Variants in MARCHF6 observed in about 807,000 individuals in gnomAD.
MARCHF6 encodes the protein membrane associated ring-CH-type finger 6, also known as E3 ubiquitin-protein ligase MARCHF6.
A neutral mutation model predicts 133.7 loss-of-function variants in MARCHF6; 31 were observed. The observed-to-expected ratio is 0.23, with a 90% confidence interval of 0.17 to 0.31. The LOEUF (loss-of-function observed/expected upper bound fraction) is 0.31, where lower values mean the gene tolerates loss of function less well. MARCHF6 is among the 10% of genes least tolerant of loss of function. MARCHF6 has a pLI of 1.00. For missense variants in MARCHF6, 723 were observed against 1,121.6 expected, an observed-to-expected ratio of 0.64 and a Z score of 5.08; for synonymous variants, 395 against 402.5, an observed-to-expected ratio of 0.98 and a Z score of 0.22.
chr5:10,364,801 T>G (rs75745710), intron 1 of MARCHF6, among the ~76,000 whole-genome samples: 8,066 of 152,218 alleles, frequency 0.053, 720 homozygotes, highest in African/African-American at 0.18. Flanking sequence ...TTTCTCTGCT[T>G]CTTCTTTATT....
chr5:10,402,465 A>G lies in MARCHF6; in HGVS notation c.1122+13A>G, dbSNP rs1197356182. 1.2e-6 allele frequency: 2 copies of G among 1,613,418 alleles called. No individual in the cohort carries two copies. The highest frequency in any genetic ancestry group is 1.7e-5 in the Admixed American group (1 of 60,004). ...TATTGTTGTTAAGGTAATTCCTGTT[A>G]TAACTTAAAATTGGAAATGATTTCT... On this transcript the variant is annotated intron_variant, in intron 13 of 25. Coordinates refer to ENST00000274140, the MANE Select transcript of MARCHF6 (RefSeq NM_005885.4).
intron 6 of MARCHF6, 90 bp from the exon 7 acceptor site, chr5:10,391,452 T>G (rs1038499273): frequency 4.6e-5 from 25 of 545,010 alleles, no homozygotes; most frequent in African/African-American, 3.6e-4. Context: ...TTTTTTTTTT[T>G]TTTTTTTTTT....
At chr5:10,381,431 C>T (rs1473130939) in intron 3 of MARCHF6, among the ~76,000 whole-genome samples, 1 of 152,120 alleles carries the variant, frequency 6.6e-6, no homozygotes, top group Non-Finnish European at 1.5e-5. Context: ...TCATCTTTTG[C>T]TCCTGTTTGC....
intron 24 of MARCHF6, among the ~76,000 whole-genome samples, chr5:10,428,384 C>T (rs949443255): frequency 3.8e-5 from 5 of 132,856 alleles, no homozygotes; most frequent in African/African-American, 1.4e-4. Flanking sequence ...CTCTTTTGCC[C>T]AGGCTGGAGT....
chr5:10,425,876 T>G (rs960287575), intron 23 of MARCHF6, among the ~76,000 whole-genome samples: 1 of 152,230 alleles, frequency 6.6e-6, no homozygotes, highest in African/African-American at 2.4e-5. Flanking sequence ...TTTTTTATAT[T>G]CACTATAGAA....
At chr5:10,424,592 A>T (rs1408666467) in intron 23 of MARCHF6, among the ~76,000 whole-genome samples, 1 of 152,204 alleles carries the variant, frequency 6.6e-6, no homozygotes, top group East Asian at 1.9e-4. Flanking sequence ...GCCATCCTTT[A>T]TCTGAAGGTT....
chr5:10,411,828 A>G (rs1003525183), intron 19 of MARCHF6, among the ~76,000 whole-genome samples: 6 of 152,368 alleles, frequency 3.9e-5, no homozygotes, highest in Non-Finnish European at 7.3e-5. Flanking sequence ...CAGGAACTAG[A>G]ATGGGCATTT....
At chr5:10,428,881 GA>G (rs1740227467) in intron 24 of MARCHF6, among the ~76,000 whole-genome samples, 1 of 152,158 alleles carries the variant, frequency 6.6e-6, no homozygotes, top group African/African-American at 2.4e-5. Context: ...CTTTGGAAGG[GA>G]AAAAGAGTGG....
In MARCHF6 at chr5:10,439,801, C is replaced by A. The variant is rs1740787793; in HGVS notation, c.*6117C>A. 11 of 152,524 alleles carry A rather than the reference C, an allele frequency of 7.2e-5. No homozygotes were observed. Among genetic ancestry groups the A allele is most frequent in the Admixed American group, 7.2e-4 (11 of 15,286 alleles). 9.4% of individuals were successfully genotyped at this position (152,524 alleles called of 1,614,324 possible). A position where few individuals can be genotyped will look rare whatever the true frequency, so the allele number is the denominator to read the frequency against. ...CTTCAATGCTGGGCAAAACATGAAG[C>A]ACCCCTTTTCTCCCTTCTCTGACCC... On this transcript the variant is annotated 3_prime_UTR_variant, in exon 26 of 26. Coordinates refer to ENST00000274140, the MANE Select transcript of MARCHF6 (RefSeq NM_005885.4).
At chr5:10,394,860 C>T (rs1278727052) in intron 9 of MARCHF6, 75 bp downstream of exon 9, 10 of 932,484 alleles carry the variant, frequency 1.1e-5, no homozygotes, top group South Asian at 6.0e-5. Flanking sequence ...ACTGCAGTGG[C>T]GTGATCTTGG....
At chr5:10,385,979 C>G (rs571687474) in intron 4 of MARCHF6, among the ~76,000 whole-genome samples, 2 of 151,912 alleles carry the variant, frequency 1.3e-5, no homozygotes, top group Admixed American at 1.3e-4. Flanking sequence ...TCTAGCTTAG[C>G]ATCGTATCCT....
intron 11 of MARCHF6, 129 bp downstream of exon 11, chr5:10,400,971 C>A: frequency 1.5e-6 from 1 of 666,492 alleles, no homozygotes; most frequent in Non-Finnish European, 2.5e-6. Flanking sequence ...TAGGCAATAC[C>A]GTCTCATTCT....
chr5:10,372,981 G>A (rs1006047339), intron 1 of MARCHF6, among the ~76,000 whole-genome samples: 6 of 151,902 alleles, frequency 3.9e-5, no homozygotes, highest in Non-Finnish European at 7.4e-5. Flanking sequence ...GATTGCCTGA[G>A]GCCAGGAGTT....
intron 14 of MARCHF6, among the ~76,000 whole-genome samples, chr5:10,402,897 A>G (rs1738630685): frequency 6.6e-6 from 1 of 152,146 alleles, no homozygotes; most frequent in Non-Finnish European, 1.5e-5. Context: ...CCAAGACATT[A>G]TATACATAGA....
intron 14 of MARCHF6, among the ~76,000 whole-genome samples, chr5:10,402,838 T>C (rs1032529336): frequency 2.0e-5 from 3 of 152,168 alleles, no homozygotes; most frequent in Admixed American, 1.3e-4. Flanking sequence ...TTTCTAATAG[T>C]GGAGGATTTT....
chr5:10,362,965 G>T (rs142408037), intron 1 of MARCHF6, among the ~76,000 whole-genome samples: 36 of 152,154 alleles, frequency 2.4e-4, no homozygotes, highest in African/African-American at 8.2e-4. Flanking sequence ...TCAACAAATG[G>T]CACTGGAATA....
intron 21 of MARCHF6, 69 bp downstream of exon 21, chr5:10,415,738 AT>A (rs912520221): frequency 0.011 from 11,851 of 1,114,954 alleles, no homozygotes; most frequent in South Asian, 0.022. Context: ...GTCATCTTAA[AT>A]TTTTTTTTTT....
intron 1 of MARCHF6, among the ~76,000 whole-genome samples, chr5:10,357,816 T>C (rs753567115): frequency 1.3e-5 from 2 of 152,134 alleles, no homozygotes; most frequent in Non-Finnish European, 2.9e-5. Context: ...ATAGAGAAAA[T>C]CCTTTCTTTC....
At chr5:10,402,975 A>G (rs1234740771) in intron 14 of MARCHF6, among the ~76,000 whole-genome samples, 1 of 152,222 alleles carries the variant, frequency 6.6e-6, no homozygotes, top group Admixed American at 6.5e-5. Flanking sequence ...TTTAACTAAT[A>G]TGCTCAGTCT....
Sources: allele counts gnomAD v4.1 joint callset (sites outside exome capture counted in the v4.1 genomes callset), GRCh38; gene constraint gnomAD v4.1.1; transcripts MANE v1.5; gene names NCBI Gene and HGNC (gene_info 2026-07-23, HGNC 2026-07-21).